TRAP1: variants seen among roughly 807,000 people sequenced by gnomAD.
TRAP1 encodes the protein TNF receptor associated protein 1.
In TRAP1, 102 loss-of-function variants were observed where a neutral mutation model predicts 89.1. The observed-to-expected ratio is 1.15, with a 90% CI of 0.98 to 1.35. The LOEUF (loss-of-function observed/expected upper bound fraction) is 1.35. TRAP1 is among the 40% of genes most tolerant of loss of function. TRAP1 has a pLI of 0.00. For synonymous variants in TRAP1, 508 were observed against 388.0 expected (o/e 1.31, Z -3.64); for missense variants, 1,256 against 945.3 (o/e 1.33, Z -4.31).
intron 11 of TRAP1, among the ~76,000 whole-genome samples, chr16:3,670,578 C>G (rs866243863): frequency 1.3e-5 from 2 of 151,832 alleles, no homozygotes; most frequent in Non-Finnish European, 2.9e-5. Context: ...GTAGCTCACA[C>G]TTGTAGTCCC....
intron 1 of TRAP1, among the ~76,000 whole-genome samples, chr16:3,705,522 A>C (rs921063027): frequency 3.3e-5 from 5 of 152,152 alleles, no homozygotes; most frequent in Non-Finnish European, 5.9e-5. Context: ...GAAATCATAC[A>C]ATATATGGTT....
At chr16:3,689,242 CTTTTTTTT>C (rs34759526) in intron 2 of TRAP1, 105 bp from the exon 3 acceptor site, 3 of 426,110 alleles carry the variant, frequency 7.0e-6, no homozygotes, top group Admixed American at 4.3e-5. Flanking sequence ...GAGTTTTAAA[CTTTTTTTT>C]TTTTTTTTTT....
At chr16:3,711,196 C>T (rs2051527080) in intron 1 of TRAP1, among the ~76,000 whole-genome samples, 1 of 152,036 alleles carries the variant, frequency 6.6e-6, no homozygotes, top group Non-Finnish European at 1.5e-5. Flanking sequence ...CTTCTAGCCA[C>T]ATTTCTTAAT....
intron 3 of TRAP1, among the ~76,000 whole-genome samples, 186 bp from the exon 4 acceptor site, chr16:3,686,322 T>C (rs2051138252): frequency 6.6e-6 from 1 of 152,196 alleles, no homozygotes; most frequent in Non-Finnish European, 1.5e-5. Flanking sequence ...CTGAAGGTGC[T>C]GACTTTCCTT....
chr16:3,701,135 G>A (rs2051359625), intron 1 of TRAP1, among the ~76,000 whole-genome samples: 1 of 152,128 alleles, frequency 6.6e-6, no homozygotes, highest in Admixed American at 6.5e-5. Flanking sequence ...GTGTGTTTAA[G>A]AAAGCTGGAG....
intron 4 of TRAP1, among the ~76,000 whole-genome samples, chr16:3,681,875 T>C (rs1189361206): frequency 1.3e-5 from 2 of 152,154 alleles, no homozygotes; most frequent in Admixed American, 6.5e-5. Flanking sequence ...AAAATGTATA[T>C]GGAAATACAA....
At chr16:3,674,747 G>A (rs564214936) in intron 8 of TRAP1, 49 of 541,342 alleles carry the variant, frequency 9.1e-5, no homozygotes, top group Non-Finnish European at 1.3e-4. Flanking sequence ...ACCTGAGGGG[G>A]CCTGTGGGAG....
At chr16:3,709,672 C>T (rs1334885427) in intron 1 of TRAP1, among the ~76,000 whole-genome samples, 3 of 151,994 alleles carry the variant, frequency 2.0e-5, no homozygotes, top group African/African-American at 4.8e-5. Flanking sequence ...GTGTGTGAGA[C>T]GGAGTTTTCG....
chr16:3,682,120 T>C (rs975698310), intron 4 of TRAP1, among the ~76,000 whole-genome samples: 1 of 152,138 alleles, frequency 6.6e-6, no homozygotes, highest in African/African-American at 2.4e-5. Context: ...GATAGGTCTA[T>C]TAACAGATAG....
At chr16:3,661,913 C>T in intron 16 of TRAP1, 74 bp downstream of exon 16, 1 of 1,495,066 alleles carries the variant, frequency 6.7e-7, no homozygotes. Flanking sequence ...GTGTCACATT[C>T]CACAACAAAA....
intron 1 of TRAP1, among the ~76,000 whole-genome samples, chr16:3,710,857 G>GTATATATATATATA (rs377592883): frequency 1.5e-5 from 2 of 135,676 alleles, no homozygotes; most frequent in East Asian, 2.2e-4. Context: ...ATGTGTGTGT[G>GTATATATATATATA]TATATATATA....
At chr16:3,677,918 A>G in intron 5 of TRAP1, 1 of 444,142 alleles carries the variant, frequency 2.3e-6, no homozygotes, top group Non-Finnish European at 4.0e-6. Flanking sequence ...CCTGTCCCAG[A>G]CAGGTGGAGG....
intron 1 of TRAP1, among the ~76,000 whole-genome samples, chr16:3,694,776 C>T (rs565761835): frequency 6.6e-6 from 1 of 152,306 alleles, no homozygotes; most frequent in Admixed American, 6.5e-5. Context: ...CTGTACCCGG[C>T]CTTCAAACCC....
rs1567248386 is a variant in TRAP1, at chr16:3,710,881, T to TA, written c.88+6539_88+6540insT. 3.8e-3 allele frequency among the ~76,000 whole-genome samples: 499 copies of TA among 132,990 alleles called. 6 individuals carry two copies. The highest frequency in any genetic ancestry group is 0.033 in the East Asian group (121 of 3,614). The allele number at this position is 132,990 out of a possible 152,430, so 87.2% of individuals were successfully genotyped here. On this transcript the variant is annotated intron_variant, in intron 1 of 17. Transcript: ENST00000246957. ...TGTATATATATATATATATATATAT[T>TA]TTTTTTTTTGAGACACTGTCACTCT...
At chr16:3,681,992 T>C (rs1596722734) in intron 4 of TRAP1, among the ~76,000 whole-genome samples, 1 of 152,302 alleles carries the variant, frequency 6.6e-6, no homozygotes, top group East Asian at 1.9e-4. Flanking sequence ...CAGTGCGATG[T>C]GGGCATTTAA....
intron 16 of TRAP1, chr16:3,659,143 G>T: frequency 2.9e-6 from 1 of 343,588 alleles, no homozygotes; most frequent in Non-Finnish European, 5.3e-6. Flanking sequence ...GTGAAGACAT[G>T]CCTTGGTTCC....
intron 2 of TRAP1, 38 bp from the exon 3 acceptor site, chr16:3,689,175 C>T (rs1202037743): frequency 6.4e-7 from 1 of 1,567,430 alleles, no homozygotes; most frequent in African/African-American, 1.4e-5. Context: ...CAAAGTTTAA[C>T]TTCTATTTTT....
intron 4 of TRAP1, among the ~76,000 whole-genome samples, chr16:3,683,332 G>A (rs1383601084): frequency 6.6e-6 from 1 of 151,288 alleles, no homozygotes; most frequent in Non-Finnish European, 1.5e-5. Flanking sequence ...CTTGTGTTAA[G>A]AATAATATAT....
chr16:3,684,237 A>T (rs894144445), intron 4 of TRAP1, among the ~76,000 whole-genome samples: 1 of 152,190 alleles, frequency 6.6e-6, no homozygotes, highest in African/African-American at 2.4e-5. Context: ...TTGACATCAA[A>T]AGAAAAAGAT....
Sources: gnomAD v4.1 joint callset for allele counts (sites outside exome capture counted in the v4.1 genomes callset) on GRCh38, gnomAD v4.1.1 for gene constraint, MANE v1.5 for transcripts, NCBI Gene and HGNC (gene_info 2026-07-23, HGNC 2026-07-21) for gene names.